SAG: variants seen among roughly 807,000 people sequenced by gnomAD.
SAG encodes S-antigen visual arrestin.
Under a neutral mutation model 55.0 loss-of-function variants are expected in SAG, and 45 were observed. The ratio of observed to expected loss-of-function variants is 0.82; its 90% CI spans 0.64 to 1.05. The LOEUF is 1.05. Among genes scored for constraint, SAG ranks in the 50% least tolerant of loss-of-function variants. The pLI, the probability that SAG is intolerant of heterozygous loss-of-function variation, is 0.00. For missense variants in SAG, 455 were observed against 512.1 expected (o/e 0.89, Z 1.08); for synonymous variants, 189 against 197.4 (o/e 0.96, Z 0.36).
chr2:233,320,245 C>T (rs1012193679), intron 4 of SAG, among the ~76,000 whole-genome samples: 1 of 152,228 alleles, frequency 6.6e-6, no homozygotes, highest in Non-Finnish European at 1.5e-5. Context: ...TTACCTTCTT[C>T]CTTCATTCGT....
At chr2:233,326,964 C>CT (rs1237621319) in intron 6 of SAG, among the ~76,000 whole-genome samples, 157 bp from the exon 7 acceptor site, 1 of 152,240 alleles carries the variant, frequency 6.6e-6, no homozygotes, top group Admixed American at 6.5e-5. Flanking sequence ...TGTCAGTATG[C>CT]TTCCAAATCC....
chr2:233,326,533 C>T lies in SAG; in HGVS notation c.436-588C>T, dbSNP rs185321847. On this transcript the variant is annotated intron_variant, in intron 6 of 15. Coordinates refer to ENST00000409110, the MANE Select transcript of SAG (RefSeq NM_000541.5). Reference sequence around the variant, plus strand: ...TCGGGAGGCGGAGGTTGTGGTGAGCCGAGATCATGCCACTTGCACTCCAGC... The same window carrying T: ...TCGGGAGGCGGAGGTTGTGGTGAGCTGAGATCATGCCACTTGCACTCCAGC... 1.5e-4 allele frequency among the ~76,000 whole-genome samples: 22 copies of T among 150,328 alleles called. No homozygotes were observed. The East Asian group carries it at 4.1e-3, about 28-fold the overall frequency.
intron 13 of SAG, 21 bp from the exon 14 acceptor site, chr2:233,342,250 A>G (rs1701127573): frequency 6.3e-7 from 1 of 1,586,074 alleles, no homozygotes; most frequent in Admixed American, 1.8e-5. Flanking sequence ...GTTCACACCA[A>G]TCTTCATTCT....
In SAG at chr2:233,309,914, G is replaced by A. The variant is rs914460615; in HGVS notation, c.75+650G>A. On this transcript the variant is annotated intron_variant, in intron 2 of 15. Transcript: ENST00000409110. ...TAAACACAGTTTTGTCAGTACCTGT[G>A]ATGCCCTTGGCCTTTTGTCTATCTA... Among the ~76,000 whole-genome samples, 54 of 152,286 alleles carry A rather than the reference G, an allele frequency of 3.5e-4. 1 individual carries two copies.
chr2:233,320,232 A>G (rs1232865019), intron 4 of SAG, among the ~76,000 whole-genome samples: 2 of 152,176 alleles, frequency 1.3e-5, no homozygotes, highest in Non-Finnish European at 2.9e-5. Context: ...TTCCCTCTGC[A>G]TCTTACCTTC....
At chr2:233,335,122 A>G (rs1700883494) in intron 11 of SAG, 23 bp downstream of exon 11, 2 of 1,601,968 alleles carry the variant, frequency 1.2e-6, no homozygotes, top group Non-Finnish European at 8.5e-7. Context: ...GGCTCAGGGA[A>G]TAAGCCCTGG....
chr2:233,310,708 T>C (rs1205894865), intron 2 of SAG, among the ~76,000 whole-genome samples: 2 of 152,066 alleles, frequency 1.3e-5, no homozygotes, highest in African/African-American at 2.4e-5. Context: ...GGTTTCACCA[T>C]GTTGGCCAAG....
chr2:233,338,350 T>A (rs1701001466), intron 11 of SAG, among the ~76,000 whole-genome samples: 1 of 152,086 alleles, frequency 6.6e-6, no homozygotes, highest in South Asian at 2.1e-4. Flanking sequence ...GGACTTGCAG[T>A]TTTGGCAAGT....
chr2:233,318,228 G>A (rs1700268696), intron 3 of SAG, among the ~76,000 whole-genome samples: 1 of 151,980 alleles, frequency 6.6e-6, no homozygotes. Context: ...GCAGTGGCAT[G>A]ATCATGGCTC....
At chr2:233,334,766 T>G in intron 10 of SAG, 196 bp from the exon 11 acceptor site, 1 of 591,280 alleles carries the variant, frequency 1.7e-6, no homozygotes, top group Non-Finnish European at 3.1e-6. Flanking sequence ...ATCCTCCTGT[T>G]GCTGCCAGCC....
chr2:233,346,501 A>G, intron 15 of SAG, 89 bp downstream of exon 15: 1 of 1,401,398 alleles, frequency 7.1e-7, no homozygotes, highest in Non-Finnish European at 1.0e-6. Context: ...GTCTTTGCAC[A>G]TATCCCAAGC....
intron 3 of SAG, among the ~76,000 whole-genome samples, chr2:233,318,413 G>A (rs1417633269): frequency 1.3e-5 from 2 of 149,964 alleles, no homozygotes; most frequent in Non-Finnish European, 3.0e-5. Context: ...AAAACTTTTT[G>A]TAGAGACAAG....
At chr2:233,346,233 C>T in intron 14 of SAG, 170 bp from the exon 15 acceptor site, 1 of 510,988 alleles carries the variant, frequency 2.0e-6, no homozygotes, top group Non-Finnish European at 3.4e-6. Flanking sequence ...GGCAGGGAGG[C>T]AGGAATTACA....
At chr2:233,334,571 C>T (rs1700864901) in intron 10 of SAG, 1 of 180,440 alleles carries the variant, frequency 5.5e-6, no homozygotes. Flanking sequence ...TTTTTGGTGA[C>T]AAGAGGCTTT....
intron 1 of SAG, 92 bp from the exon 2 acceptor site, chr2:233,309,070 T>G: frequency 1.4e-6 from 1 of 706,504 alleles, no homozygotes; most frequent in Non-Finnish European, 2.4e-6. Context: ...CAGGATCTCG[T>G]GAGTAGGTTT....
At chr2:233,341,164 G>C (rs1701089879) in intron 13 of SAG, among the ~76,000 whole-genome samples, 1 of 151,988 alleles carries the variant, frequency 6.6e-6, no homozygotes, top group Non-Finnish European at 1.5e-5. Context: ...TTTATTTTGA[G>C]ACAGAGTCTT....
At chr2:233,330,912 T>C (rs1016640651) in intron 9 of SAG, among the ~76,000 whole-genome samples, 1 of 152,122 alleles carries the variant, frequency 6.6e-6, no homozygotes, top group African/African-American at 2.4e-5. Flanking sequence ...ACAAATTGTT[T>C]CTTTATCCTC....
rs781781373 is a variant in SAG, at chr2:233,320,748, C to A, written c.300C>A (p.Ala100=). The A allele has an allele frequency of 6.2e-7, 1 of 1,606,038 alleles. No homozygotes were observed. Among genetic ancestry groups the A allele is most frequent in the African/African-American group, 1.3e-5 (1 of 74,718 alleles). The change falls in exon 5 of 16, where the codon GCC becomes GCA. Residue 100 remains alanine (A), a synonymous_variant. Transcript: ENST00000409110. ...SRVQVYPPVG[A]ASTPTKLQES... is the part of the protein sequence containing the mutation. ...TCCAGGTGTATCCTCCTGTGGGGGC[C>A]GCGAGCACCCCCACAAAACTGCAAG...
chr2:233,320,133 C>T (rs753329440), intron 4 of SAG: 1 of 311,208 alleles, frequency 3.2e-6, no homozygotes, highest in Non-Finnish European at 4.7e-6. Context: ...AGTTGGATTT[C>T]ACCTCCCCAT....
Sources: gnomAD v4.1 joint callset for allele counts (sites outside exome capture counted in the v4.1 genomes callset) on GRCh38, gnomAD v4.1.1 for gene constraint, MANE v1.5 for transcripts, NCBI Gene and HGNC (gene_info 2026-07-23, HGNC 2026-07-21) for gene names.